The following MYO7B variants were observed in gnomAD, a reference collection of about 807,000 sequenced individuals.
MYO7B encodes the protein unconventional myosin-VIIb.
Under a neutral mutation model 259.7 loss-of-function variants are expected in MYO7B, and 212 were observed. The ratio of observed to expected loss-of-function variants is 0.82; its 90% CI spans 0.73 to 0.91. The LOEUF (loss-of-function observed/expected upper bound fraction) is 0.91, where lower values mean the gene tolerates loss of function less well. Among genes scored for constraint, MYO7B ranks in the 40% least tolerant of loss-of-function variants. MYO7B has a pLI of 0.00. For synonymous variants in MYO7B, 1,197 were observed against 1,166.4 expected (o/e 1.03, Z -0.54); for missense variants, 2,732 against 2,813.5 (o/e 0.97, Z 0.66).
rs968457122 is a variant in MYO7B, at chr2:127,633,186, C to T, written c.5406-72C>T. 3.7e-5 allele frequency: 44 copies of T among 1,204,248 alleles called. No individual in the cohort carries two copies. The Middle Eastern group carries it at 5.8e-4, about 16-fold the overall frequency. The allele number at this position is 1,204,248 out of a possible 1,614,324, so 74.6% of individuals were successfully genotyped here. A position where few individuals can be genotyped will look rare whatever the true frequency, so the allele number is the denominator to read the frequency against. On this transcript the variant is annotated intron_variant, in intron 39 of 47. Coordinates refer to ENST00000409816, the MANE Select transcript of MYO7B (RefSeq NM_001393586.1). ...TTGTTTCTGGCACATGGTTTAGGGC[C>T]CACATCGGGGCTGGGGCATGGGTGA... is the stretch of plus-strand genomic sequence containing the variant.
At position 127,585,327 on chromosome 2, in the gene MYO7B, G is replaced by A. The variant is rs1004440681; in HGVS notation, c.1690+414G>A. Among the ~76,000 whole-genome samples, 4 of 152,110 alleles carry A rather than the reference G, an allele frequency of 2.6e-5. No individual in the cohort carries two copies. The highest frequency in any genetic ancestry group is 2.6e-4 in the Admixed American group (4 of 15,274). On this transcript the variant is annotated intron_variant, in intron 14 of 47. Coordinates refer to ENST00000409816, the MANE Select transcript of MYO7B (RefSeq NM_001393586.1). The surrounding 1 kb of genome is among the most constrained non-coding windows in gnomAD (Gnocchi z 4.3). The stretch of plus-strand genomic sequence containing the variant: ...GCCTATTCTGACTTTTTGCATAAAT[G>A]GAACCATATAATACGTGGTCTTCTG...
intron 19 of MYO7B, among the ~76,000 whole-genome samples, chr2:127,604,652 G>C (rs1199008548): frequency 6.6e-6 from 1 of 152,180 alleles, no homozygotes; most frequent in Non-Finnish European, 1.5e-5. Context: ...TAAAGTGAGA[G>C]ACATGAGATG....
At chr2:127,622,632 C>T (rs1680895666) in intron 28 of MYO7B, among the ~76,000 whole-genome samples, 1 of 152,250 alleles carries the variant, frequency 6.6e-6, no homozygotes. Context: ...CGGCAGGTGC[C>T]CGCCCTGTGA....
intron 1 of MYO7B, among the ~76,000 whole-genome samples, chr2:127,548,558 G>A (rs1431921292): frequency 1.3e-5 from 2 of 151,776 alleles, no homozygotes; most frequent in African/African-American, 4.8e-5. Context: ...TGGGATTACA[G>A]GTGCGTGCCA....
rs779831791 is a variant in MYO7B, at chr2:127,565,220, C to T, written c.133-13C>T. 4 of 1,612,264 alleles carry T rather than the reference C, an allele frequency of 2.5e-6. No homozygotes were observed. The highest frequency in any genetic ancestry group is 1.7e-5 in the Admixed American group (1 of 59,844). ...AGGCCACCCCTCAGGGGAGTCTGCA[C>T]CCATTGTTCCAGGAACACTGGATCC... On this transcript the variant is annotated splice_polypyrimidine_tract_variant and intron_variant, in intron 3 of 47. Transcript: ENST00000409816.
At chr2:127,625,279 A>C in intron 30 of MYO7B, 89 bp from the exon 31 acceptor site, 46 of 1,390,052 alleles carry the variant, frequency 3.3e-5, no homozygotes, top group African/African-American at 5.9e-5. Flanking sequence ...TGATGGGGCA[A>C]GAGCCCGGCC....
At chr2:127,619,600 A>G (rs1680749332) in intron 26 of MYO7B, among the ~76,000 whole-genome samples, 1 of 152,052 alleles carries the variant, frequency 6.6e-6, no homozygotes, top group Admixed American at 6.5e-5. Flanking sequence ...CGCAGTTGAC[A>G]TTGGCTTTGG....
At chr2:127,573,393 A>C (rs1255848012) in intron 6 of MYO7B, among the ~76,000 whole-genome samples, 1 of 152,226 alleles carries the variant, frequency 6.6e-6, no homozygotes, top group Non-Finnish European at 1.5e-5. Flanking sequence ...TTGCAGAAAC[A>C]GCTTTACAAA....
In MYO7B at chr2:127,590,265, A is replaced by G. The variant is rs764091892; in HGVS notation, c.1992+36A>G. 1.2e-6 allele frequency: 2 copies of G among 1,611,360 alleles called. No homozygotes were observed. The highest frequency in any genetic ancestry group is 2.2e-5 in the South Asian group (2 of 90,960). Reference sequence around the variant, plus strand: ...GAGGCTGGGGCACAGCAAAGGAGGGAGGAGGAGGAGGCTGATGGCCTCTAG... The same window carrying G: ...GAGGCTGGGGCACAGCAAAGGAGGGGGGAGGAGGAGGCTGATGGCCTCTAG... On this transcript the variant is annotated intron_variant, in intron 16 of 47. Coordinates refer to ENST00000409816, the MANE Select transcript of MYO7B (RefSeq NM_001393586.1). This position sits in a 1 kb window ranked among gnomAD's most constrained non-coding sequence, Gnocchi z 4.6.
intron 9 of MYO7B, 95 bp downstream of exon 9, chr2:127,578,381 C>A: frequency 6.7e-7 from 1 of 1,491,968 alleles, no homozygotes; most frequent in Non-Finnish European, 9.1e-7. Flanking sequence ...CAGGAAGGAT[C>A]CTGTGGTCCA....
intron 26 of MYO7B, among the ~76,000 whole-genome samples, chr2:127,616,058 G>T (rs1166050320): frequency 6.6e-6 from 1 of 152,220 alleles, no homozygotes; most frequent in Non-Finnish European, 1.5e-5. Flanking sequence ...CAGCCGGGAG[G>T]CATGCCGTTG....
rs1278888136 is a variant in MYO7B, at chr2:127,613,774, G to T, written c.3398+1171G>T. 6.6e-6 allele frequency among the ~76,000 whole-genome samples: 1 copy of T among 152,204 alleles called. No individual in the cohort carries two copies. Among genetic ancestry groups the T allele is most frequent in the African/African-American group, 2.4e-5 (1 of 41,452 alleles). On this transcript the variant is annotated intron_variant, in intron 26 of 47. Transcript: ENST00000409816. This position sits in a 1 kb window ranked among gnomAD's most constrained non-coding sequence, Gnocchi z 4.3. ...ACTACCTTGGCTGGACTCAAACTCT[G>T]TCTCCTCCATGATGAGCAGAAGCTA...
intron 18 of MYO7B, among the ~76,000 whole-genome samples, chr2:127,594,527 C>T (rs541385439): frequency 3.3e-5 from 5 of 152,256 alleles, no homozygotes; most frequent in African/African-American, 4.8e-5. Context: ...GGCTAAGATG[C>T]GCGGGAAGAA....
At chr2:127,552,821 G>T (rs765819587) in intron 1 of MYO7B, among the ~76,000 whole-genome samples, 1 of 152,194 alleles carries the variant, frequency 6.6e-6, no homozygotes, top group Non-Finnish European at 1.5e-5. Context: ...AGAGCTGTCT[G>T]GGAGCCAGGA....
chr2:127,558,667 GTA>G (rs1347517712), intron 1 of MYO7B, among the ~76,000 whole-genome samples: 1 of 152,040 alleles, frequency 6.6e-6, no homozygotes, highest in African/African-American at 2.4e-5. Flanking sequence ...AGATATAGAC[GTA>G]TATATATGAT....
rs1157348404 is a variant in MYO7B, at chr2:127,578,235, G to T, written c.952G>T (p.Val318Phe). 3 of 1,613,604 alleles carry T rather than the reference G, an allele frequency of 1.9e-6. No homozygotes were observed. In the Admixed American group the frequency reaches 5.0e-5, roughly 27 times the overall value. ...GTTCTCCGACTCCGAGAGCTGGGAC[G>T]TCATCAAGCTGCTGGCTGCCATTCT... ...LQFSDSESWD[V>F]IKLLAAILHL... Residue 318 changes from valine to phenylalanine, a missense_variant, in exon 9 of 48, where the codon GTC (valine) becomes TTC (phenylalanine). Coordinates refer to ENST00000409816, the MANE Select transcript of MYO7B (RefSeq NM_001393586.1).
At chr2:127,581,307 A>C (rs913143800) in intron 10 of MYO7B, among the ~76,000 whole-genome samples, 128 of 152,306 alleles carry the variant, frequency 8.4e-4, no homozygotes, top group African/African-American at 2.9e-3. Flanking sequence ...CTTGGCTTAA[A>C]GGAAGGGCTG....
chr2:127,582,417 AT>A lies in MYO7B; in HGVS notation c.1317del (p.Phe439LeufsTer66), dbSNP rs1371854784. ...VRRAIGLLDI[F>X]GFENFENNSF... The stretch of plus-strand genomic sequence containing the variant: ...GGAGGGCCATCGGCCTCCTGGACAT[AT>A]TTGGCTTTGAAAATTTCGAGAACAA... On this transcript the variant is annotated frameshift_variant, in exon 12 of 48. Transcript: ENST00000409816. LOFTEE classifies it high-confidence loss of function. 6.2e-7 allele frequency: 1 copy of A among 1,613,180 alleles called. No homozygotes were observed. The highest frequency in any genetic ancestry group is 8.5e-7 in the Non-Finnish European group (1 of 1,179,698).
intron 1 of MYO7B, among the ~76,000 whole-genome samples, chr2:127,543,853 T>G (rs1162106542): frequency 6.6e-6 from 1 of 152,090 alleles, no homozygotes; most frequent in Non-Finnish European, 1.5e-5. Context: ...CACGCCATTC[T>G]CCTGCCTCAG....
Sources: allele counts gnomAD v4.1 joint callset (sites outside exome capture counted in the v4.1 genomes callset), GRCh38; gene constraint gnomAD v4.1.1; non-coding constraint Gnocchi (gnomAD v3.1); transcripts MANE v1.5; gene names NCBI Gene and HGNC (gene_info 2026-07-23, HGNC 2026-07-21).